PAPSS1: variants seen among roughly 807,000 people sequenced by gnomAD.
PAPSS1 encodes the protein 3'-phosphoadenosine 5'-phosphosulfate synthase 1, also known as bifunctional 3'-phosphoadenosine 5'-phosphosulfate synthase 1.
A neutral mutation model predicts 72.0 loss-of-function variants in PAPSS1; 50 were observed. The ratio of observed to expected loss-of-function variants is 0.69; its 90% CI spans 0.55 to 0.88. PAPSS1 has a LOEUF of 0.88. Ranked by LOEUF, PAPSS1 falls within the 40% of genes least tolerant of loss-of-function variation. The pLI, the probability that PAPSS1 is intolerant of heterozygous loss-of-function variation, is 0.00. For missense variants in PAPSS1, 657 were observed against 782.2 expected (o/e 0.84, Z 1.91); for synonymous variants, 261 against 263.6 (o/e 0.99, Z 0.09).
At chr4:107,649,650 A>G (rs1331870725) in intron 9 of PAPSS1, among the ~76,000 whole-genome samples, 2 of 152,186 alleles carry the variant, frequency 1.3e-5, no homozygotes, top group African/African-American at 4.8e-5. Flanking sequence ...CTTCTGCCTC[A>G]GCTTTCTCAT....
At chr4:107,634,797 ATTTTT>A (rs3083966) in intron 10 of PAPSS1, among the ~76,000 whole-genome samples, 3 of 116,010 alleles carry the variant, frequency 2.6e-5, no homozygotes, top group Non-Finnish European at 5.1e-5. Flanking sequence ...TATTCTAGAC[ATTTTT>A]TTTTTTTTTT....
intron 9 of PAPSS1, among the ~76,000 whole-genome samples, chr4:107,650,444 A>C (rs1241266299): frequency 6.6e-6 from 1 of 152,224 alleles, no homozygotes; most frequent in East Asian, 1.9e-4. Flanking sequence ...GTAATATGAA[A>C]GTCCCTAATT....
chr4:107,646,049 T>C (rs1043002331), intron 9 of PAPSS1, among the ~76,000 whole-genome samples: 1 of 152,160 alleles, frequency 6.6e-6, no homozygotes, highest in Non-Finnish European at 1.5e-5. Context: ...TGGAAGTTCC[T>C]CACGTTACCT....
At chr4:107,621,634 T>G in intron 11 of PAPSS1, among the ~76,000 whole-genome samples, 1 of 127,304 alleles carries the variant, frequency 7.9e-6, no homozygotes, top group African/African-American at 3.6e-5. Context: ...TTTTTTTTTT[T>G]TTTTGAGAAG....
chr4:107,628,620 TTGTATTATCTGTTTGCTTGC>T (rs2110300418), intron 11 of PAPSS1, among the ~76,000 whole-genome samples: 1 of 152,344 alleles, frequency 6.6e-6, no homozygotes, highest in South Asian at 2.1e-4. Context: ...GTTTTGCTTG[TTGTATTATCTGTTTGCTTGC>T]TGAATGTGGA....
intron 1 of PAPSS1, among the ~76,000 whole-genome samples, chr4:107,714,944 T>C (rs2726195): frequency 0.83 from 126,108 of 152,104 alleles, 54,006 homozygotes; most frequent in South Asian, 0.95. Flanking sequence ...AAACTAAAAT[T>C]TCAAAGTATC....
At chr4:107,627,326 C>A (rs766578232) in intron 11 of PAPSS1, among the ~76,000 whole-genome samples, 90 of 152,294 alleles carry the variant, frequency 5.9e-4, no homozygotes, top group Non-Finnish European at 1.1e-3. Context: ...CTTGCTCTCC[C>A]TTGCCACTAT....
intron 5 of PAPSS1, among the ~76,000 whole-genome samples, chr4:107,666,526 A>T (rs764611334): frequency 2.0e-5 from 3 of 152,242 alleles, no homozygotes; most frequent in Non-Finnish European, 4.4e-5. Context: ...CCACAGTGAA[A>T]GAGAAGGCAA....
intron 11 of PAPSS1, among the ~76,000 whole-genome samples, chr4:107,629,442 A>T (rs1429604240): frequency 6.6e-6 from 1 of 152,210 alleles, no homozygotes; most frequent in Non-Finnish European, 1.5e-5. Flanking sequence ...CACCATAGAC[A>T]TCTCAGTTGG....
At chr4:107,614,513 T>G in intron 11 of PAPSS1, 126 bp from the exon 12 acceptor site, 1 of 635,040 alleles carries the variant, frequency 1.6e-6, no homozygotes, top group East Asian at 3.0e-5. Context: ...ATAGTACTTG[T>G]GAATATAAAT....
Position 107,656,924 on chromosome 4 carries a change from C to G in PAPSS1, c.867G>C (p.Gln289His), listed in dbSNP as rs370930280. Residue 289 changes from glutamine (Q) to histidine (H), a missense_variant, in exon 7 of 12, where the codon CAG (glutamine) becomes CAC (histidine). Around this residue, in one of 7 missense-constraint regions of PAPSS1, gnomAD observed 190 missense variants for 176.7 expected, o/e 1.07. Coordinates refer to ENST00000265174, the MANE Select transcript of PAPSS1 (RefSeq NM_005443.5). ...NGFMREREYL[Q>H]CLHFDCLLDG... is the part of the protein sequence containing the mutation. ...CCAGAAGACAATCAAAATGAAGGCA[C>G]TGCAAGTACTCCCTCTCTCTCATAA... The G allele has an allele frequency of 1.2e-6, 2 of 1,612,460 alleles. No individual in the cohort carries two copies. The highest frequency in any genetic ancestry group is 1.7e-5 in the Admixed American group (1 of 59,994).
chr4:107,655,006 T>A, intron 7 of PAPSS1, 106 bp from the exon 8 acceptor site: 1 of 761,428 alleles, frequency 1.3e-6, no homozygotes, highest in East Asian at 2.6e-5. Flanking sequence ...AATAAAAGGC[T>A]GTAGATCCAG....
chr4:107,707,027 G>A (rs1723356092), intron 1 of PAPSS1, among the ~76,000 whole-genome samples: 1 of 152,244 alleles, frequency 6.6e-6, no homozygotes, highest in Non-Finnish European at 1.5e-5. Flanking sequence ...TGGAACCTGG[G>A]TCCACAGAAA....
rs562770821 is a variant in PAPSS1, at chr4:107,698,461, T to C, written c.175+2710A>G. Among the ~76,000 whole-genome samples the C allele has an allele frequency of 1.7e-4, 26 of 152,286 alleles. No individual in the cohort carries two copies. The South Asian group carries it at 4.8e-3, about 28-fold the overall frequency. ...TTTTCCAGGTCCACATGGGAGGAGC[T>C]TGAAAGTCACCACCACATCCGAACA... On this transcript the variant is annotated intron_variant, in intron 2 of 11. Transcript: ENST00000265174.
chr4:107,670,366 A>C (rs1235763588), intron 5 of PAPSS1, among the ~76,000 whole-genome samples: 1 of 152,198 alleles, frequency 6.6e-6, no homozygotes, highest in African/African-American at 2.4e-5. Flanking sequence ...GGAAGGCATT[A>C]ACTAAGACTA....
At chr4:107,648,525 G>A (rs1726751520) in intron 9 of PAPSS1, among the ~76,000 whole-genome samples, 1 of 152,174 alleles carries the variant, frequency 6.6e-6, no homozygotes, top group Admixed American at 6.5e-5. Context: ...CAGAGCCCCA[G>A]TATCCACCCC....
At chr4:107,643,129 A>G (rs1726595327) in intron 10 of PAPSS1, among the ~76,000 whole-genome samples, 1 of 152,242 alleles carries the variant, frequency 6.6e-6, no homozygotes, top group Non-Finnish European at 1.5e-5. Context: ...GGTGAGTTTC[A>G]CAAGCACAAT....
rs1183868167 is a variant in PAPSS1 at position 107,693,343 on chromosome 4, C to G, written c.411+428G>C. Among the ~76,000 whole-genome samples, 3 of 152,114 alleles carry G rather than the reference C, an allele frequency of 2.0e-5. No individual in the cohort carries two copies. The East Asian group carries it at 5.8e-4, about 29-fold the overall frequency. On this transcript the variant is annotated intron_variant, in intron 3 of 11. Coordinates refer to ENST00000265174, the MANE Select transcript of PAPSS1 (RefSeq NM_005443.5). The stretch of plus-strand genomic sequence containing the variant: ...ACATGGTTTGTTGTTGCTGCAGTCT[C>G]TAAAATAAGAGGAACTATGATGCAA...
At chr4:107,683,782 G>A (rs999347107) in intron 4 of PAPSS1, among the ~76,000 whole-genome samples, 8 of 152,168 alleles carry the variant, frequency 5.3e-5, no homozygotes, top group Non-Finnish European at 1.0e-4. Flanking sequence ...ATAAAAGCCT[G>A]AGGCCCCCTG....
Sources: allele counts gnomAD v4.1 joint callset (sites outside exome capture counted in the v4.1 genomes callset), GRCh38; gene constraint gnomAD v4.1.1; regional missense constraint gnomAD v4.1.1; transcripts MANE v1.5; gene names NCBI Gene and HGNC (gene_info 2026-07-23, HGNC 2026-07-21).